BMI1: variants seen among roughly 807,000 people sequenced by gnomAD.
BMI1 encodes the protein BMI1 proto-oncogene, polycomb ring finger.
BMI1 carries 9 observed loss-of-function variants against 39.1 expected under a neutral mutation model. The observed-to-expected ratio is 0.23, with a 90% CI of 0.14 to 0.40. The LOEUF is 0.40. Among genes scored for constraint, BMI1 ranks in the 10% least tolerant of loss-of-function variants. The pLI is 1.00. For missense variants in BMI1, 252 were observed against 390.8 expected (o/e 0.64, Z 2.99); for synonymous variants, 131 against 127.9 (o/e 1.02, Z -0.16).
At chr10:22,328,320 G>T (rs1836205695) in intron 7 of BMI1, 141 bp downstream of exon 7, 1 of 951,350 alleles carries the variant, frequency 1.1e-6, no homozygotes, top group Non-Finnish European at 1.5e-6. Flanking sequence ...AGGTCTACAT[G>T]TGATATTTAA....
At chr10:22,322,014 C>G (rs961904499) in intron 1 of BMI1, 7 of 147,712 alleles carry the variant, frequency 4.7e-5, no homozygotes. Context: ...GCCGCCGCCG[C>G]CCGCTCAGCC....
Position 22,327,940 on chromosome 10 carries a change from A to G in BMI1, c.317-10A>G, listed in dbSNP as rs1365335173. 1.3e-5 allele frequency: 20 copies of G among 1,590,912 alleles called. No homozygotes were observed. The highest frequency in any genetic ancestry group is 1.9e-5 in the Admixed American group (1 of 53,346). ...ATTTTTAAAAATTACATTTCACTAT[A>G]TCGTTATAGCTGCCAATGGCTCTAA... On this transcript the variant is annotated splice_polypyrimidine_tract_variant and intron_variant, in intron 5 of 9. Coordinates refer to ENST00000376663, the MANE Select transcript of BMI1 (RefSeq NM_005180.9).
At chr10:22,321,809 G>C (rs1836006074) in intron 1 of BMI1, 113 bp downstream of exon 1, 1 of 143,124 alleles carries the variant, frequency 7.0e-6, no homozygotes, top group African/African-American at 2.5e-5. Flanking sequence ...CGGCCGCGCC[G>C]CCGGGAGGGC....
Position 22,329,479 on chromosome 10 carries a change from T to C in BMI1, c.918T>C (p.Ser306=), listed in dbSNP as rs1836237209. 6.2e-7 allele frequency: 1 copy of C among 1,614,190 alleles called. No individual in the cohort carries two copies. Among genetic ancestry groups the C allele is most frequent in the Non-Finnish European group, 8.5e-7 (1 of 1,180,024 alleles). The change falls in exon 10 of 10, where the codon TCT becomes TCC. Residue 306 remains serine, a synonymous_variant. Transcript: ENST00000376663. The part of the protein sequence containing the change: ...TSNSPSGNHQ[S]SFANRPRKSS... ...ACAGCCCCAGCGGTAACCACCAATC[T>C]TCTTTTGCCAATAGACCTCGAAAAT...
At chr10:22,323,502 T>C (rs1836059458) in intron 1 of BMI1, among the ~76,000 whole-genome samples, 1 of 152,258 alleles carries the variant, frequency 6.6e-6, no homozygotes, top group South Asian at 2.1e-4. Flanking sequence ...ATGTTAAGTG[T>C]GCAGATAGGC....
chr10:22,329,336 A>T lies in BMI1; in HGVS notation c.775A>T (p.Asn259Tyr), dbSNP rs1009236602. The T allele has an allele frequency of 6.2e-7, 1 of 1,614,212 alleles. No homozygotes were observed. Among genetic ancestry groups the T allele is most frequent in the Admixed American group, 1.7e-5 (1 of 60,028 alleles). The change falls in exon 10 of 10, where the codon AAC becomes TAC. Residue 259 changes from asparagine (N) to tyrosine (Y), a missense_variant. By Grantham distance (143) the Asn-to-Tyr change is moderately radical (BLOSUM62 -2). Transcript: ENST00000376663. ...AAGTGACTCTGGGAGTGACAAGGCC[A>T]ACAGCCCAGCAGGAGGTATTCCCTC... ...LESDSGSDKA[N>Y]SPAGGIPSTS... is the part of the protein sequence containing the mutation.
chr10:22,321,785 C>A (rs907820928), intron 1 of BMI1, 89 bp downstream of exon 1: 1 of 143,134 alleles, frequency 7.0e-6, no homozygotes, highest in East Asian at 2.1e-4. Context: ...GGAAGGGGAG[C>A]CCCCCCCGCG....
chr10:22,326,701 A>G (rs2132005135), intron 2 of BMI1, 140 bp downstream of exon 2: 5 of 1,397,174 alleles, frequency 3.6e-6, no homozygotes, highest in South Asian at 1.4e-5. Context: ...CTTGCATCTA[A>G]TGACTTTTTG....
In BMI1 at chr10:22,329,791, G is replaced by A. The variant is rs975702858; in HGVS notation, c.*249G>A. 3 of 470,784 alleles carry A rather than the reference G, an allele frequency of 6.4e-6. No individual in the cohort carries two copies. The highest frequency in any genetic ancestry group is 5.9e-5 in the African/African-American group (3 of 51,238). The allele number at this position is 470,784 out of a possible 1,614,324, so 29.2% of individuals were successfully genotyped here. ...AGGCAAGACTTTTTCTCTGTGTTAG[G>A]AAAGATGGGAAATGGTTTCTGTAAC... On this transcript the variant is annotated 3_prime_UTR_variant, in exon 10 of 10. Transcript: ENST00000376663.
At chr10:22,326,742 C>A in intron 2 of BMI1, 148 bp from the exon 3 acceptor site, 1 of 1,283,570 alleles carries the variant, frequency 7.8e-7, no homozygotes, top group Non-Finnish European at 1.1e-6. Context: ...TACAAGCATG[C>A]AATATATGTG....
At chr10:22,325,789 C>A (rs988447759) in intron 1 of BMI1, 1 of 152,082 alleles carries the variant, frequency 6.6e-6, no homozygotes, top group Admixed American at 6.5e-5. Context: ...GACGGAGCCC[C>A]GGGCGCCGCC....
chr10:22,328,854 CTT>C (rs1836221140), intron 8 of BMI1, among the ~76,000 whole-genome samples, 156 bp downstream of exon 8: 1 of 152,098 alleles, frequency 6.6e-6, no homozygotes, highest in African/African-American at 2.4e-5. Context: ...TATACATTCT[CTT>C]TTATGCTATG....
At position 22,327,951 on chromosome 10, in the gene BMI1, T is replaced by G; in HGVS notation, c.318T>G (p.Ala106=). The part of the protein sequence containing the change: ...DFYAAHPSAD[A]ANGSNEDRGE... ...TTACATTTCACTATATCGTTATAGC[T>G]GCCAATGGCTCTAATGAAGATAGAG... Residue 106 remains alanine, a splice_region_variant and synonymous_variant, in exon 6 of 10, where the codon GCT becomes GCG. Coordinates refer to ENST00000376663, the MANE Select transcript of BMI1 (RefSeq NM_005180.9). The G allele has an allele frequency of 6.3e-7, 1 of 1,595,800 alleles. No homozygotes were observed. The highest frequency in any genetic ancestry group is 1.8e-5 in the Admixed American group (1 of 55,070).
chr10:22,326,622 T>G, intron 2 of BMI1, 61 bp downstream of exon 2: 1 of 1,577,660 alleles, frequency 6.3e-7, no homozygotes, highest in Non-Finnish European at 8.6e-7. Context: ...GACCTGGAAT[T>G]TGAAAACTGT....
In BMI1 at chr10:22,331,451, A is replaced by G. The variant is rs1327779877; in HGVS notation, c.*1909A>G. The G allele has an allele frequency of 6.6e-6, 1 of 152,158 alleles. No homozygotes were observed. The highest frequency in any genetic ancestry group is 2.4e-5 in the African/African-American group (1 of 41,456). 9.4% of individuals were successfully genotyped at this position (152,158 alleles called of 1,614,324 possible). On this transcript the variant is annotated 3_prime_UTR_variant, in exon 10 of 10. Transcript: ENST00000376663. ...TTGAAAGATGTATCTGTTTATTTAC[A>G]GTCTTTGAAGTAAAAGTTACCAATG... is the stretch of plus-strand genomic sequence containing the variant.
At chr10:22,324,421 C>T (rs1588618659) in intron 1 of BMI1, among the ~76,000 whole-genome samples, 1 of 152,196 alleles carries the variant, frequency 6.6e-6, no homozygotes, top group African/African-American at 2.4e-5. Flanking sequence ...CCTACAACTC[C>T]TCCGTGCCCC....
chr10:22,322,403 G>C, intron 1 of BMI1, among the ~76,000 whole-genome samples: 1 of 152,224 alleles, frequency 6.6e-6, no homozygotes, highest in East Asian at 1.9e-4. Context: ...ACTTGTCTGA[G>C]ATTGGATGGC....
intron 4 of BMI1, 23 bp downstream of exon 4, chr10:22,327,673 G>T: frequency 6.2e-7 from 1 of 1,613,010 alleles, no homozygotes; most frequent in Non-Finnish European, 8.5e-7. Flanking sequence ...CTTAGAAAAT[G>T]AATTTAAAGA....
At chr10:22,326,210 T>A in intron 1 of BMI1, 4 of 495,812 alleles carry the variant, frequency 8.1e-6, no homozygotes, top group East Asian at 4.1e-5. Context: ...CCTACAGGAA[T>A]GATCTGAGAG....
Sources: allele counts gnomAD v4.1 joint callset (sites outside exome capture counted in the v4.1 genomes callset), GRCh38; gene constraint gnomAD v4.1.1; transcripts MANE v1.5; gene names NCBI Gene and HGNC (gene_info 2026-07-23, HGNC 2026-07-21).